Variants in LRTM3 observed in about 807,000 individuals in gnomAD.
The protein encoded by LRTM3 is leucine-rich repeat transmembrane protein 3.
the LRTM3 span, chr13:102,735,098 A>G: frequency 1.3e-5 from 20 of 1,551,244 alleles, no homozygotes; most frequent in Non-Finnish European, 1.7e-5. Flanking sequence ...CTTAGACAAC[A>G]TGACACCTGG....
the LRTM3 span, chr13:102,740,730 C>T: frequency 3.2e-6 from 5 of 1,548,218 alleles, no homozygotes; most frequent in Admixed American, 2.0e-5. Flanking sequence ...TTTGGAAGAG[C>T]CTTGTATGTA....
the LRTM3 span, chr13:102,742,492 T>G: frequency 6.5e-7 from 1 of 1,550,240 alleles, no homozygotes; most frequent in South Asian, 1.2e-5. Flanking sequence ...CTTTCTTGTT[T>G]TCAATTTGAA....
chr13:102,758,541 A>C, the LRTM3 span: 3 of 1,546,380 alleles, frequency 1.9e-6, no homozygotes, highest in Non-Finnish European at 2.6e-6. Flanking sequence ...TATAATACTT[A>C]CCAAGTTTCC....
the LRTM3 span, chr13:102,741,063 C>A: frequency 6.5e-7 from 1 of 1,549,922 alleles, no homozygotes; most frequent in Non-Finnish European, 8.7e-7. Flanking sequence ...TCTGCTGAGC[C>A]TTCTTTCTTG....
At chr13:102,734,666 A>G in the LRTM3 span, 1 of 1,551,120 alleles carries the variant, frequency 6.4e-7, no homozygotes, top group Non-Finnish European at 8.7e-7. Context: ...CTCTCTATGT[A>G]CAGTCTCCCC....
chr13:102,733,683 CACT>C, the LRTM3 span: 30 of 1,551,206 alleles, frequency 1.9e-5, no homozygotes, highest in African/African-American at 3.7e-4. Flanking sequence ...GGCCTTTTCC[CACT>C]TCTTATGGTA....
the LRTM3 span, chr13:102,736,923 T>C: frequency 1.3e-6 from 2 of 1,551,076 alleles, no homozygotes; most frequent in African/African-American, 2.7e-5. Context: ...AAAGATCTTG[T>C]TACTCCTTGT....
At chr13:102,750,316 A>G in the LRTM3 span, 155 of 1,546,046 alleles carry the variant, frequency 1.0e-4, no homozygotes, top group Non-Finnish European at 1.3e-4. Context: ...ATAAAATTCT[A>G]TCTTCAAAGT....
the LRTM3 span, chr13:102,744,245 C>G: frequency 5.8e-6 from 9 of 1,550,196 alleles, no homozygotes; most frequent in Non-Finnish European, 7.9e-6. Flanking sequence ...GGGACTCATA[C>G]TTTTCTTGCC....
the LRTM3 span, among the ~76,000 whole-genome samples, chr13:102,757,930 A>C: frequency 6.6e-6 from 1 of 152,228 alleles, no homozygotes. Flanking sequence ...AACAATTAAA[A>C]TATTGATAGC....
chr13:102,734,244 T>C, the LRTM3 span: 14 of 1,551,306 alleles, frequency 9.0e-6, no homozygotes, highest in Admixed American at 2.0e-5. Context: ...GGTTTTCCTT[T>C]TCTTACATCA....
the LRTM3 span, chr13:102,729,844 A>T: frequency 6.4e-7 from 1 of 1,551,730 alleles, no homozygotes. Flanking sequence ...TGTTCTTCCT[A>T]AATAAATCAG....
the LRTM3 span, among the ~76,000 whole-genome samples, chr13:102,757,158 G>A: frequency 6.6e-6 from 1 of 152,116 alleles, no homozygotes; most frequent in East Asian, 1.9e-4. Flanking sequence ...AGCTTGTGCT[G>A]GCATTCCTGT....
chr13:102,753,787 C>G, the LRTM3 span, among the ~76,000 whole-genome samples: 1 of 152,112 alleles, frequency 6.6e-6, no homozygotes, highest in African/African-American at 2.4e-5. Flanking sequence ...CAAAATTTTG[C>G]GTTGGATGAT....
At chr13:102,730,191 T>C in the LRTM3 span, 1 of 1,550,840 alleles carries the variant, frequency 6.4e-7, no homozygotes, top group Admixed American at 2.0e-5. Context: ...GAATCTTCAC[T>C]GTAAAATGAT....
chr13:102,751,120 G>T, the LRTM3 span, among the ~76,000 whole-genome samples: 77 of 152,198 alleles, frequency 5.1e-4, no homozygotes, highest in East Asian at 0.014. Context: ...AGTGAACTGT[G>T]AGAAAAGCAG....
chr13:102,757,989 C>A, the LRTM3 span, among the ~76,000 whole-genome samples: 6 of 152,312 alleles, frequency 3.9e-5, no homozygotes, highest in South Asian at 1.0e-3. Context: ...ACGGAGATAA[C>A]TTTACAATTC....
chr13:102,739,472 G>C, the LRTM3 span: 1 of 1,550,514 alleles, frequency 6.4e-7, no homozygotes, highest in East Asian at 2.4e-5. Context: ...ATCTTTACCT[G>C]CTTTTGTTCT....
the LRTM3 span, chr13:102,741,527 A>G: frequency 6.5e-7 from 1 of 1,549,910 alleles, no homozygotes; most frequent in Non-Finnish European, 8.7e-7. Context: ...GTTAATGTAC[A>G]CATCTTCTTC....
Sources: allele counts gnomAD v4.1 joint callset (sites outside exome capture counted in the v4.1 genomes callset), GRCh38; gene constraint gnomAD v4.1.1; transcripts MANE v1.5; gene names NCBI Gene and HGNC (gene_info 2026-07-23, HGNC 2026-07-21).